Variants in ZFPM2 observed in about 807,000 individuals in gnomAD.
The protein encoded by ZFPM2 is zinc finger protein, FOG family member 2.
A neutral mutation model predicts 98.6 loss-of-function variants in ZFPM2; 20 were observed. That is an observed-to-expected ratio of 0.20 (90% CI 0.14 to 0.29). ZFPM2 has a LOEUF of 0.29. Ranked by LOEUF, ZFPM2 falls within the 10% of genes least tolerant of loss-of-function variation. The pLI is 1.00. For missense variants in ZFPM2, 1,310 were observed against 1,388.6 expected, an observed-to-expected ratio of 0.94 and a Z score of 0.90; for synonymous variants, 518 against 502.7, an observed-to-expected ratio of 1.03 and a Z score of -0.41.
intron 3 of ZFPM2, among the ~76,000 whole-genome samples, chr8:105,479,233 C>T (rs1285214159): frequency 2.0e-5 from 3 of 152,092 alleles, no homozygotes; most frequent in Admixed American, 6.6e-5. Context: ...CATGTCATTT[C>T]GAGAAAACTA....
intron 1 of ZFPM2, among the ~76,000 whole-genome samples, chr8:105,374,683 A>T (rs2957458): frequency 0.47 from 71,920 of 151,890 alleles, 18,140 homozygotes; most frequent in Admixed American, 0.59. Flanking sequence ...TGGTAGTGTC[A>T]CAGGTGAGGA....
intron 5 of ZFPM2, among the ~76,000 whole-genome samples, chr8:105,702,270 G>A (rs1289847134): frequency 2.0e-5 from 3 of 152,324 alleles, no homozygotes; most frequent in African/African-American, 7.2e-5. Flanking sequence ...ACAAACAATA[G>A]CTAAGGCATT....
chr8:105,505,024 A>G (rs1813671498), intron 3 of ZFPM2, among the ~76,000 whole-genome samples: 2 of 152,174 alleles, frequency 1.3e-5, no homozygotes, highest in African/African-American at 4.8e-5. Context: ...TCTAATTTGT[A>G]TTATGAAAGG....
At position 105,447,036 on chromosome 8, in the gene ZFPM2, CAGAG is replaced by C. The variant is rs1008919633; in HGVS notation, c.301+2659_301+2662del. ...AGTATTGGCATTTTCCAACTGTAGT[CAGAG>C]AGAAAATTGTGCAACTTTTAGTGAC... On this transcript the variant is annotated intron_variant, in intron 3 of 7. Coordinates refer to ENST00000407775, the MANE Select transcript of ZFPM2 (RefSeq NM_012082.4). Among the ~76,000 whole-genome samples the C allele has an allele frequency of 8.5e-5, 13 of 152,092 alleles. No individual in the cohort carries two copies. In the South Asian group the frequency reaches 1.0e-3, roughly 12 times the overall value.
intron 5 of ZFPM2, among the ~76,000 whole-genome samples, chr8:105,758,451 T>A (rs1201760182): frequency 6.6e-6 from 1 of 152,166 alleles, no homozygotes; most frequent in Non-Finnish European, 1.5e-5. Context: ...TATCTCAAGT[T>A]AATCCAAATT....
chr8:105,442,127 A>T (rs907260935), intron 2 of ZFPM2, among the ~76,000 whole-genome samples: 1 of 151,432 alleles, frequency 6.6e-6, no homozygotes, highest in Non-Finnish European at 1.5e-5. Flanking sequence ...AGGTCAGGAG[A>T]TCGAGACTAT....
chr8:105,778,736 T>C (rs1813168984), intron 5 of ZFPM2, among the ~76,000 whole-genome samples: 1 of 152,190 alleles, frequency 6.6e-6, no homozygotes. Context: ...CAAAATGCTG[T>C]AGCAATTTAG....
intron 3 of ZFPM2, among the ~76,000 whole-genome samples, chr8:105,494,808 G>A (rs1479079085): frequency 1.3e-5 from 2 of 152,036 alleles, no homozygotes; most frequent in African/African-American, 4.8e-5. Context: ...TTTTCTGTTT[G>A]AGTCCATATA....
chr8:105,580,506 A>T (rs1586476749), intron 4 of ZFPM2, among the ~76,000 whole-genome samples: 1 of 152,184 alleles, frequency 6.6e-6, no homozygotes. Flanking sequence ...GACCTTGATG[A>T]TGGAACCAGT....
chr8:105,739,574 G>T (rs1482952713), intron 5 of ZFPM2, among the ~76,000 whole-genome samples: 1 of 150,394 alleles, frequency 6.6e-6, no homozygotes, highest in African/African-American at 2.4e-5. Context: ...CCTGTAATTT[G>T]TTTCATAGGA....
intron 4 of ZFPM2, among the ~76,000 whole-genome samples, chr8:105,594,118 G>C (rs1198605710): frequency 6.6e-6 from 1 of 152,114 alleles, no homozygotes; most frequent in Admixed American, 6.6e-5. Context: ...AATGCAGTAA[G>C]ATCTTTAAAG....
rs143791683 is a variant in ZFPM2, at chr8:105,449,718, CA to C, written c.301+5339del. Among the ~76,000 whole-genome samples the C allele has an allele frequency of 1.1e-4, 16 of 152,094 alleles. No homozygotes were observed. The East Asian group carries it at 1.4e-3, about 13-fold the overall frequency. On this transcript the variant is annotated intron_variant, in intron 3 of 7. Coordinates refer to ENST00000407775, the MANE Select transcript of ZFPM2 (RefSeq NM_012082.4). The stretch of plus-strand genomic sequence containing the variant: ...GACTTTGAGCAAGCTATTAACACTC[CA>C]AGGCCTCAGTTTCCTTGTTTGTAAA...
intron 1 of ZFPM2, among the ~76,000 whole-genome samples, chr8:105,415,268 C>T (rs1186981476): frequency 6.6e-6 from 1 of 152,048 alleles, no homozygotes; most frequent in Non-Finnish European, 1.5e-5. Flanking sequence ...CCAGTGTGTT[C>T]ATAGCTTGAG....
chr8:105,460,631 G>T (rs1460082517), intron 3 of ZFPM2, among the ~76,000 whole-genome samples: 1 of 152,102 alleles, frequency 6.6e-6, no homozygotes, highest in Non-Finnish European at 1.5e-5. Flanking sequence ...AATGAAAGGT[G>T]TCCACATCAT....
chr8:105,731,026 C>G (rs1338513625), intron 5 of ZFPM2, among the ~76,000 whole-genome samples: 4 of 151,518 alleles, frequency 2.6e-5, no homozygotes, highest in African/African-American at 4.8e-5. Flanking sequence ...TGGTTAGAGG[C>G]TTTTGTAGAT....
intron 1 of ZFPM2, among the ~76,000 whole-genome samples, chr8:105,380,647 A>ATATATATATATTATATATAACATATGTAT (rs1810837099): frequency 7.2e-5 from 1 of 13,904 alleles, no homozygotes; most frequent in Non-Finnish European, 1.3e-4. Flanking sequence ...TATATATATT[A>ATATATATATATTATATATAACATATGTAT]TATATATATA....
intron 1 of ZFPM2, among the ~76,000 whole-genome samples, chr8:105,383,880 C>T (rs1023677989): frequency 2.0e-5 from 3 of 152,102 alleles, no homozygotes; most frequent in African/African-American, 7.2e-5. Flanking sequence ...AAAAAATCTG[C>T]ATAATGCTTA....
At chr8:105,606,441 A>G (rs1816199368) in intron 4 of ZFPM2, among the ~76,000 whole-genome samples, 1 of 151,988 alleles carries the variant, frequency 6.6e-6, no homozygotes, top group African/African-American at 2.4e-5. Flanking sequence ...TTAGATCTGA[A>G]TTCTGTCACT....
rs369317819 is a variant in ZFPM2, at chr8:105,424,058, C to T, written c.199+4756C>T. 1.8e-4 allele frequency among the ~76,000 whole-genome samples: 28 copies of T among 152,246 alleles called. No individual in the cohort carries two copies. In the South Asian group the frequency reaches 5.8e-3, roughly 32 times the overall value. ...CACACTGGGAACAGTGTACGCTGCTCAAGTGATGGGTGCACCAAAATCTCA... is the reference window on the plus strand; with the variant it reads ...CACACTGGGAACAGTGTACGCTGCTTAAGTGATGGGTGCACCAAAATCTCA... On this transcript the variant is annotated intron_variant, in intron 2 of 7. Coordinates refer to ENST00000407775, the MANE Select transcript of ZFPM2 (RefSeq NM_012082.4).
Sources: allele counts gnomAD v4.1 joint callset (sites outside exome capture counted in the v4.1 genomes callset), GRCh38; gene constraint gnomAD v4.1.1; transcripts MANE v1.5; gene names NCBI Gene and HGNC (gene_info 2026-07-23, HGNC 2026-07-21).